The following WDR72 variants were observed in gnomAD, a reference collection of about 807,000 sequenced individuals.
WDR72 encodes WD repeat-containing protein 72.
A neutral mutation model predicts 124.2 loss-of-function variants in WDR72; 120 were observed. The ratio of observed to expected loss-of-function variants is 0.97; its 90% confidence interval spans 0.83 to 1.12. The LOEUF is 1.12. Among genes scored for constraint, WDR72 ranks in the 50% most tolerant of loss-of-function variants. WDR72 has a pLI of 0.00. For synonymous variants in WDR72, 452 were observed against 441.7 expected (o/e 1.02, Z -0.29); for missense variants, 1,387 against 1,278.8 (o/e 1.08, Z -1.29).
rs1447888760 is a variant in WDR72, at chr15:53,613,693, A to C, written c.2845T>G (p.Ser949Ala). ...TTTCGTAAGCAACTGTAGAAGCTTG[A>C]CATATTTAAAATGTCATTCCCAGCA... ...RGAGNDILNM[S>A]SFYSCLRNGK... The change falls in exon 16 of 20, where the codon TCA (serine) becomes GCA (alanine). Residue 949 changes from serine to alanine, a missense_variant. Physicochemically the swap from Ser to Ala is moderately conservative, Grantham distance 99 (BLOSUM62 1). Coordinates refer to ENST00000360509, the MANE Select transcript of WDR72 (RefSeq NM_182758.4). 2 of 1,610,726 alleles carry C rather than the reference A, an allele frequency of 1.2e-6. No homozygotes were observed. The highest frequency in any genetic ancestry group is 1.7e-6 in the Non-Finnish European group (2 of 1,178,022).
At chr15:53,644,909 T>C (rs1407055959) in intron 14 of WDR72, among the ~76,000 whole-genome samples, 1 of 152,098 alleles carries the variant, frequency 6.6e-6, no homozygotes, top group East Asian at 1.9e-4. Context: ...ACTACGCATC[T>C]TGGGTATCAG....
chr15:53,528,370 G>T (rs1261530224), intron 18 of WDR72, among the ~76,000 whole-genome samples: 1 of 152,058 alleles, frequency 6.6e-6, no homozygotes, highest in Admixed American at 6.6e-5. Flanking sequence ...AATTGGGGAA[G>T]AATCATGTAG....
At chr15:53,683,439 T>C (rs114896770) in intron 13 of WDR72, among the ~76,000 whole-genome samples, 416 of 152,238 alleles carry the variant, frequency 2.7e-3, no homozygotes, top group African/African-American at 9.6e-3. Flanking sequence ...TAAGAAAGTA[T>C]CACTTGTACC....
chr15:53,680,535 A>C (rs548439831), intron 13 of WDR72, among the ~76,000 whole-genome samples: 1 of 152,212 alleles, frequency 6.6e-6, no homozygotes, highest in Non-Finnish European at 1.5e-5. Flanking sequence ...AGAAGTAAGA[A>C]AAATGTGGTG....
At chr15:53,665,130 A>G (rs1230268882) in intron 14 of WDR72, among the ~76,000 whole-genome samples, 6 of 152,122 alleles carry the variant, frequency 3.9e-5, no homozygotes, top group Non-Finnish European at 7.4e-5. Context: ...GGAATCCTAG[A>G]GAGTTAGTGA....
Position 53,706,073 on chromosome 15 carries a change from T to G in WDR72, c.956A>C (p.Glu319Ala). ...LCSTSVQENK[E>A]QSRPFVMGYM... ...GCCCATAACAAAGGGACGGCTCTGT[T>G]CCTAAACAAAAAGTGAGCTTTTATG... Residue 319 changes from glutamate (E) to alanine (A), a missense_variant and splice_region_variant, in exon 10 of 20, where the codon GAA (glutamate) becomes GCA (alanine). Glu to Ala is a moderately radical substitution (Grantham distance 107). Coordinates refer to ENST00000360509, the MANE Select transcript of WDR72 (RefSeq NM_182758.4). 6.2e-7 allele frequency: 1 copy of G among 1,613,844 alleles called. No individual in the cohort carries two copies. The highest frequency in any genetic ancestry group is 1.7e-4 in the Middle Eastern group (1 of 6,060).
At chr15:53,755,214 T>C (rs181839949) in intron 1 of WDR72, among the ~76,000 whole-genome samples, 20 of 152,366 alleles carry the variant, frequency 1.3e-4, no homozygotes, top group African/African-American at 4.6e-4. Flanking sequence ...TTCCTGTTTA[T>C]ATTTTTTTGT....
At chr15:53,598,706 T>A (rs535937965) in intron 17 of WDR72, among the ~76,000 whole-genome samples, 43 of 151,878 alleles carry the variant, frequency 2.8e-4, no homozygotes, top group Admixed American at 1.2e-3. Flanking sequence ...GTTTAAGGAG[T>A]GAAAAAAGGC....
chr15:53,536,304 C>T (rs1054785752), intron 18 of WDR72, among the ~76,000 whole-genome samples: 3 of 152,134 alleles, frequency 2.0e-5, no homozygotes, highest in African/African-American at 7.2e-5. Context: ...ACCTTTACTT[C>T]TTAAATACTT....
At chr15:53,563,569 G>A (rs1894197000) in intron 18 of WDR72, among the ~76,000 whole-genome samples, 1 of 151,702 alleles carries the variant, frequency 6.6e-6, no homozygotes, top group African/African-American at 2.4e-5. Context: ...CAGGTATTAA[G>A]CCCATTTAAA....
intron 13 of WDR72, chr15:53,684,748 C>CT (rs2016547454): frequency 6.5e-6 from 1 of 152,874 alleles, no homozygotes; most frequent in African/African-American, 2.4e-5. Context: ...GGCTCCACCT[C>CT]TGGGGGCAGG....
chr15:53,526,383 G>T (rs926080924), intron 18 of WDR72, among the ~76,000 whole-genome samples: 2 of 152,086 alleles, frequency 1.3e-5, no homozygotes, highest in Non-Finnish European at 2.9e-5. Context: ...AAAGAAAAGG[G>T]TGTGAACCTA....
At chr15:53,715,112 G>T in intron 5 of WDR72, 81 bp downstream of exon 5, 1 of 1,463,274 alleles carries the variant, frequency 6.8e-7, no homozygotes, top group Non-Finnish European at 9.4e-7. Flanking sequence ...CTGAATTTCT[G>T]CCCAATAATT....
chr15:53,625,433 G>C (rs893929604), intron 14 of WDR72, among the ~76,000 whole-genome samples: 11 of 152,174 alleles, frequency 7.2e-5, no homozygotes, highest in Non-Finnish European at 1.3e-4. Flanking sequence ...AGAAGGTATT[G>C]TTTACAATTG....
At chr15:53,738,746 A>G (rs1320833241) in intron 1 of WDR72, among the ~76,000 whole-genome samples, 1 of 152,102 alleles carries the variant, frequency 6.6e-6, no homozygotes, top group Non-Finnish European at 1.5e-5. Context: ...TACTGGGATT[A>G]CAGGCACCCA....
rs576429494 is a variant in WDR72, at chr15:53,518,604, A to G, written c.3254-850T>C. ...GATTTTTTTTAGCGCTAACCATAAG[A>G]AGTGTGTTCTCAATGGCCATGATTG... On this transcript the variant is annotated intron_variant, in intron 19 of 19. Transcript: ENST00000360509. Among the ~76,000 whole-genome samples the G allele has an allele frequency of 1.1e-3, 171 of 152,018 alleles. 3 individuals carry two copies. The highest frequency in any genetic ancestry group is 3.7e-4 in the Non-Finnish European group (25 of 67,982).
chr15:53,516,103 G>C lies in WDR72; in HGVS notation c.*1596C>G, dbSNP rs897763496. ...TGGCTTTTGACTGTTTCTAAAGGAGGGGGAATATATTTATCAATCAGTTTT... is the reference window on the plus strand; with the variant it reads ...TGGCTTTTGACTGTTTCTAAAGGAGCGGGAATATATTTATCAATCAGTTTT... On this transcript the variant is annotated 3_prime_UTR_variant, in exon 20 of 20. Coordinates refer to ENST00000360509, the MANE Select transcript of WDR72 (RefSeq NM_182758.4). The C allele has an allele frequency of 6.6e-6, 1 of 151,950 alleles. No homozygotes were observed. The highest frequency in any genetic ancestry group is 1.5e-5 in the Non-Finnish European group (1 of 67,964). The allele number at this position is 151,950 out of a possible 1,614,324, so 9.4% of individuals were successfully genotyped here.
chr15:53,713,202 A>AG (rs1205258911), intron 6 of WDR72, among the ~76,000 whole-genome samples: 1 of 151,218 alleles, frequency 6.6e-6, no homozygotes, highest in East Asian at 1.9e-4. Flanking sequence ...GAAAAAAAAA[A>AG]AAAGCTGTGA....
intron 19 of WDR72, among the ~76,000 whole-genome samples, chr15:53,519,108 C>T (rs1891639272): frequency 6.6e-6 from 1 of 151,960 alleles, no homozygotes; most frequent in South Asian, 2.1e-4. Flanking sequence ...TTTTCCAAGC[C>T]AATATGGTGA....
Sources: gnomAD v4.1 joint callset for allele counts (sites outside exome capture counted in the v4.1 genomes callset) on GRCh38, gnomAD v4.1.1 for gene constraint, MANE v1.5 for transcripts, NCBI Gene and HGNC (gene_info 2026-07-23, HGNC 2026-07-21) for gene names.